Variants in MYO5A observed in about 807,000 individuals in gnomAD.
MYO5A encodes the protein unconventional myosin-Va.
MYO5A carries 98 observed loss-of-function variants against 249.7 expected under a neutral mutation model. That is an observed-to-expected ratio of 0.39 (90% CI 0.33 to 0.46). The LOEUF (loss-of-function observed/expected upper bound fraction) is 0.46, where lower values mean the gene tolerates loss of function less well. Ranked by LOEUF, MYO5A falls within the 20% of genes least tolerant of loss-of-function variation. The pLI, the probability that MYO5A is intolerant of heterozygous loss-of-function variation, is 0.98. For missense variants in MYO5A, 1,696 were observed against 2,308.8 expected (o/e 0.73, Z 5.44); for synonymous variants, 778 against 810.6 (o/e 0.96, Z 0.68).
In MYO5A at chr15:52,372,104, G is replaced by C. The variant is rs185537021; in HGVS notation, c.2817+20C>G. 93 of 1,613,140 alleles carry C rather than the reference G, an allele frequency of 5.8e-5. No homozygotes were observed. In the African/African-American group the frequency reaches 1.1e-3, roughly 19 times the overall value. On this transcript the variant is annotated intron_variant, in intron 21 of 41. Coordinates refer to ENST00000399233, the MANE Select transcript of MYO5A (RefSeq NM_001382347.1). ...TTCTTCAGGCATACTCCACTCTCAGGGCCCCTTTGTGAAACACACCTGCTC... is the reference window on the plus strand; with the variant it reads ...TTCTTCAGGCATACTCCACTCTCAGCGCCCCTTTGTGAAACACACCTGCTC...
At chr15:52,330,262 A>T in intron 35 of MYO5A, 91 bp downstream of exon 35, 1 of 1,524,084 alleles carries the variant, frequency 6.6e-7, no homozygotes, top group Non-Finnish European at 9.1e-7. Context: ...AATGAAACCT[A>T]CGCTGAATAT....
chr15:52,382,078 C>T (rs1393629462), intron 16 of MYO5A, among the ~76,000 whole-genome samples: 1 of 151,822 alleles, frequency 6.6e-6, no homozygotes, highest in African/African-American at 2.4e-5. Context: ...AATTTTTGTA[C>T]TTTTAGTAGA....
At chr15:52,505,061 G>A (rs2077240119) in intron 1 of MYO5A, 1 of 534,720 alleles carries the variant, frequency 1.9e-6, no homozygotes, top group East Asian at 3.3e-5. Flanking sequence ...GTGGAGGTAG[G>A]AATTTAAGAC....
chr15:52,493,042 G>A (rs1595786031), intron 1 of MYO5A, among the ~76,000 whole-genome samples: 2 of 147,760 alleles, frequency 1.4e-5, no homozygotes, highest in African/African-American at 4.9e-5. Context: ...AGGCCTGAGG[G>A]AAGAAAGGCC....
intron 32 of MYO5A, among the ~76,000 whole-genome samples, chr15:52,339,422 A>G (rs976579432): frequency 6.6e-6 from 1 of 152,118 alleles, no homozygotes; most frequent in Non-Finnish European, 1.5e-5. Context: ...TCACTTTTTA[A>G]GGATTTTTAA....
intron 1 of MYO5A, among the ~76,000 whole-genome samples, chr15:52,463,942 T>G (rs2076303215): frequency 1.3e-5 from 2 of 152,202 alleles, no homozygotes; most frequent in South Asian, 4.1e-4. Context: ...ACTTACAAAA[T>G]AAACCAATTA....
At chr15:52,528,891 C>A (rs1005140348), upstream of MYO5A, 2 of 1,286,302 alleles carry the variant, frequency 1.6e-6, no homozygotes, top group Non-Finnish European at 2.0e-6. Flanking sequence ...AGGAAGCGCC[C>A]GCAGCCGCCG....
intron 3 of MYO5A, 119 bp downstream of exon 3, chr15:52,428,279 G>T: frequency 1.9e-6 from 2 of 1,037,106 alleles, no homozygotes; most frequent in Non-Finnish European, 3.0e-6. Flanking sequence ...ACGCTCAAGT[G>T]ATTTTGTCTC....
chr15:52,412,763 C>A lies in MYO5A; in HGVS notation c.613-2287G>T, dbSNP rs113819296. On this transcript the variant is annotated intron_variant, in intron 5 of 41. Coordinates refer to ENST00000399233, the MANE Select transcript of MYO5A (RefSeq NM_001382347.1). ...AAATAAATTTTGTGATCTTGGTAAT[C>A]TTGGTTTTACTGTTTTAATGTAATG... Among the ~76,000 whole-genome samples, 125 of 152,220 alleles carry A rather than the reference C, an allele frequency of 8.2e-4. 1 individual carries two copies. Among genetic ancestry groups the A allele is most frequent in the African/African-American group, 2.8e-3 (116 of 41,530 alleles).
intron 1 of MYO5A, among the ~76,000 whole-genome samples, chr15:52,468,770 G>T (rs56206042): frequency 0.15 from 22,885 of 152,158 alleles, 1,829 homozygotes; most frequent in Middle Eastern, 0.22. Context: ...GGACAAACAG[G>T]TATTTTCATA....
At chr15:52,393,545 C>T (rs927481362) in intron 11 of MYO5A, among the ~76,000 whole-genome samples, 17 of 152,096 alleles carry the variant, frequency 1.1e-4, no homozygotes, top group Non-Finnish European at 2.2e-4. Context: ...AGGCGTGTGC[C>T]ACCATGCCCA....
intron 1 of MYO5A, among the ~76,000 whole-genome samples, chr15:52,447,684 T>C (rs1595701663): frequency 1.3e-5 from 2 of 152,236 alleles, no homozygotes; most frequent in East Asian, 1.9e-4. Flanking sequence ...ATATGCACAG[T>C]GAAGGCAAGG....
chr15:52,509,334 A>T (rs2077343978), intron 1 of MYO5A, among the ~76,000 whole-genome samples: 1 of 152,216 alleles, frequency 6.6e-6, no homozygotes, highest in African/African-American at 2.4e-5. Flanking sequence ...GAAAACCAAG[A>T]TGATCACATA....
At chr15:52,331,638 C>T in intron 34 of MYO5A, 2 of 982,116 alleles carry the variant, frequency 2.0e-6, no homozygotes, top group African/African-American at 1.7e-5. Flanking sequence ...TGGGTAATTT[C>T]CTGGGTTAGT....
chr15:52,433,660 G>A lies in MYO5A; in HGVS notation c.28-375C>T, dbSNP rs560804848. On this transcript the variant is annotated intron_variant, in intron 1 of 41. Coordinates refer to ENST00000399233, the MANE Select transcript of MYO5A (RefSeq NM_001382347.1). ...GGTCTCCAAACTCCTGACCTCAGGT[G>A]ATCCACCCGCCTCAGCCTCCCAAAG... Among the ~76,000 whole-genome samples the A allele has an allele frequency of 1.4e-4, 21 of 152,116 alleles. No homozygotes were observed. In the South Asian group the frequency reaches 1.7e-3, roughly 12 times the overall value.
At chr15:52,460,319 G>C (rs985163663) in intron 1 of MYO5A, among the ~76,000 whole-genome samples, 2 of 152,196 alleles carry the variant, frequency 1.3e-5, no homozygotes, top group African/African-American at 2.4e-5. Flanking sequence ...AGGTTGTAGC[G>C]ATCCGAGATC....
At chr15:52,372,494 T>C in intron 20 of MYO5A, 131 bp from the exon 21 acceptor site, 2 of 1,222,854 alleles carry the variant, frequency 1.6e-6, no homozygotes, top group South Asian at 2.6e-5. Flanking sequence ...CAATGTACTA[T>C]GTAGATTATA....
At position 52,340,177 on chromosome 15, in the gene MYO5A, A is replaced by T; in HGVS notation, c.4239+19T>A. On this transcript the variant is annotated intron_variant, in intron 32 of 41. Transcript: ENST00000399233. Reference sequence around the variant, plus strand: ...GCAGGCTAGGTTAAGAAGCATGTGGACCCGGCAGCTCTCCTTACCAAGTTT... The same window carrying T: ...GCAGGCTAGGTTAAGAAGCATGTGGTCCCGGCAGCTCTCCTTACCAAGTTT... 3 of 1,613,870 alleles carry T rather than the reference A, an allele frequency of 1.9e-6. No homozygotes were observed. Among genetic ancestry groups the T allele is most frequent in the Non-Finnish European group, 2.5e-6 (3 of 1,179,826 alleles).
chr15:52,497,777 A>AG (rs1022546696), intron 1 of MYO5A, among the ~76,000 whole-genome samples: 5 of 150,304 alleles, frequency 3.3e-5, no homozygotes, highest in African/African-American at 9.7e-5. Context: ...AAAAAAAAAA[A>AG]GAAGCAGAAG....
Sources: allele counts gnomAD v4.1 joint callset (sites outside exome capture counted in the v4.1 genomes callset), GRCh38; gene constraint gnomAD v4.1.1; transcripts MANE v1.5; gene names NCBI Gene and HGNC (gene_info 2026-07-23, HGNC 2026-07-21).